Variants in DST observed in about 807,000 individuals in gnomAD.
DST encodes bullous pemphigoid antigen.
DST carries 253 observed loss-of-function variants against 875.2 expected under a neutral mutation model. That is an observed-to-expected ratio of 0.29 (90% confidence interval 0.26 to 0.32). The LOEUF (loss-of-function observed/expected upper bound fraction) is 0.32, where lower values mean the gene tolerates loss of function less well. DST is among the 10% of genes least tolerant of loss of function. The pLI is 1.00. For missense variants in DST, 8,287 were observed against 9,111.6 expected (o/e 0.91, Z 3.68); for synonymous variants, 3,124 against 3,197.1 (o/e 0.98, Z 0.77).
At chr6:56,514,777 T>C (rs1388719852) in intron 72 of DST, among the ~76,000 whole-genome samples, 1 of 152,152 alleles carries the variant, frequency 6.6e-6, no homozygotes, top group Non-Finnish European at 1.5e-5. Flanking sequence ...TACAAAATTT[T>C]AAGCCATATT....
rs757472151 is a variant in DST at position 56,642,039 on chromosome 6, T to C, written c.1935A>G (p.Ile645Met). ...GGCGTAAAAGGTTCTCACATTCAAG[T>C]ATATACCCAGCAATTTCTGCTTCAT... ...FQNEAEIAGYILECENLLRQH... is the reference protein window; with the variant it reads ...FQNEAEIAGYMLECENLLRQH... Residue 645 changes from isoleucine (I) to methionine (M), a missense_variant, in exon 17 of 104, where the codon ATA becomes ATG. Transcript: ENST00000680361. 2.5e-6 allele frequency: 4 copies of C among 1,612,750 alleles called. No homozygotes were observed. In the East Asian group the frequency reaches 8.9e-5, roughly 36 times the overall value.
chr6:56,553,726 A>C, intron 60 of DST, 71 bp from the exon 61 acceptor site: 1 of 1,397,626 alleles, frequency 7.2e-7, no homozygotes, highest in Non-Finnish European at 9.7e-7. Context: ...AAGCCAAAAT[A>C]AAAATCTCTG....
chr6:56,492,856 G>C, intron 84 of DST, 78 bp downstream of exon 84: 1 of 1,186,506 alleles, frequency 8.4e-7, no homozygotes, highest in Non-Finnish European at 1.1e-6. Flanking sequence ...CGACAGAGGA[G>C]TGAGACTCAG....
intron 8 of DST, among the ~76,000 whole-genome samples, chr6:56,701,412 T>C (rs1423485225): frequency 6.6e-6 from 1 of 152,086 alleles, no homozygotes; most frequent in East Asian, 1.9e-4. Flanking sequence ...ATTATCTACT[T>C]ATAAAAACAA....
intron 4 of DST, among the ~76,000 whole-genome samples, chr6:56,779,184 T>C (rs1355278473): frequency 1.3e-5 from 2 of 152,070 alleles, no homozygotes; most frequent in Admixed American, 6.5e-5. Context: ...AACGTCTTCT[T>C]TTGAGAAGTG....
At chr6:56,619,548 C>T (rs1319507545) in intron 36 of DST, 5 of 1,613,520 alleles carry the variant, frequency 3.1e-6, no homozygotes, top group South Asian at 2.2e-5. Flanking sequence ...TTCTCAGCTA[C>T]AGCATGTGCC....
chr6:56,670,133 C>CGT (rs70989723), intron 10 of DST, among the ~76,000 whole-genome samples: 14,313 of 146,156 alleles, frequency 0.098, 646 homozygotes, highest in East Asian at 0.14. Flanking sequence ...AGCGCCCGTG[C>CGT]GTGTGTGTGT....
chr6:56,827,717 C>T (rs960905742), intron 4 of DST, among the ~76,000 whole-genome samples: 1 of 152,064 alleles, frequency 6.6e-6, no homozygotes, highest in Non-Finnish European at 1.5e-5. Context: ...CTGCTGTTAG[C>T]ATAGAGGGAA....
At position 56,482,248 on chromosome 6, in the gene DST, CTG is replaced by C. The variant is rs917254732; in HGVS notation, c.21403-72_21403-71del. ...ATGCCTGTTAGCACAATTTACAAAACTGTATAGTGGATTCATCCCTTCAATGA... is the reference window on the plus strand; with the variant it reads ...ATGCCTGTTAGCACAATTTACAAAACTATAGTGGATTCATCCCTTCAATGA... On this transcript the variant is annotated intron_variant, in intron 89 of 103. Coordinates refer to ENST00000680361, the MANE Select transcript of DST (RefSeq NM_001374736.1). 1.0e-5 allele frequency: 16 copies of C among 1,524,564 alleles called. No homozygotes were observed. In the African/African-American group the frequency reaches 2.1e-4, roughly 20 times the overall value. 94.4% of individuals were successfully genotyped at this position (1,524,564 alleles called of 1,614,324 possible). A position where few individuals can be genotyped will look rare whatever the true frequency, so the allele number is the denominator to read the frequency against.
Position 56,511,878 on chromosome 6 carries a change from G to T in DST, c.18577-478C>A, listed in dbSNP as rs112415569. ...ACGGGGGGAAGGAGGGAGAAGGGAA[G>T]GAAGAAAAAAGAATAGAAAGAAGCT... On this transcript the variant is annotated intron_variant, in intron 72 of 103. Coordinates refer to ENST00000680361, the MANE Select transcript of DST (RefSeq NM_001374736.1). Among the ~76,000 whole-genome samples, 197 of 152,006 alleles carry T rather than the reference G, an allele frequency of 1.3e-3. 1 individual carries two copies. The highest frequency in any genetic ancestry group is 3.4e-3 in the Middle Eastern group (1 of 294).
intron 65 of DST, 32 bp downstream of exon 65, chr6:56,529,942 T>C (rs976183975): frequency 6.2e-7 from 1 of 1,608,934 alleles, no homozygotes; most frequent in East Asian, 2.2e-5. Flanking sequence ...CAATAAAAAC[T>C]GAACCTCGCT....
intron 87 of DST, 39 bp downstream of exon 87, chr6:56,487,065 G>T (rs1437027719): frequency 6.3e-7 from 1 of 1,599,272 alleles, no homozygotes; most frequent in East Asian, 2.2e-5. Flanking sequence ...TTTGAAAGAG[G>T]TCTACAGAGT....
At chr6:56,844,123 G>C (rs1374172971) in intron 4 of DST, 1 of 152,460 alleles carries the variant, frequency 6.6e-6, no homozygotes, top group Non-Finnish European at 1.5e-5. Context: ...TCTTTTTGGC[G>C]TGGGAGGATT....
At position 56,497,474 on chromosome 6, in the gene DST, G is replaced by A; in HGVS notation, c.20128C>T (p.Gln6710Ter). ...CGCTCCGTGTCAGTCAGCCACTGCTGCAAATCCTCAATTTCGCCATGGAAC... is the reference window on the plus strand; with the variant it reads ...CGCTCCGTGTCAGTCAGCCACTGCTACAAATCCTCAATTTCGCCATGGAAC... ...KGFHGEIEDLQQWLTDTERHL... is the reference protein window; with the variant it reads ...KGFHGEIEDL The change falls in exon 82 of 104, where the codon CAG (glutamine) becomes TAG (stop). Residue 6710 changes from glutamine to a stop codon, truncating the protein, a stop_gained. Coordinates refer to ENST00000680361, the MANE Select transcript of DST (RefSeq NM_001374736.1). LOFTEE classifies it high-confidence loss of function. The A allele has an allele frequency of 6.2e-7, 1 of 1,612,992 alleles. No homozygotes were observed. The highest frequency in any genetic ancestry group is 8.5e-7 in the Non-Finnish European group (1 of 1,179,366).
In DST at chr6:56,469,866, T is replaced by C; in HGVS notation, c.22551+17A>G. 6.2e-7 allele frequency: 1 copy of C among 1,603,790 alleles called. No homozygotes were observed. Among genetic ancestry groups the C allele is most frequent in the Non-Finnish European group, 8.5e-7 (1 of 1,170,808 alleles). On this transcript the variant is annotated intron_variant, in intron 97 of 103. Transcript: ENST00000680361. ...TATGTCCTTTAAAGGAACTACAACA[T>C]TACTTTGAAAACTTACCCTGTATTT...
chr6:56,725,532 G>A (rs1337496094), intron 5 of DST, among the ~76,000 whole-genome samples: 3 of 152,152 alleles, frequency 2.0e-5, no homozygotes, highest in Non-Finnish European at 2.9e-5. Flanking sequence ...ACACACACAT[G>A]CACTGGGCCC....
chr6:56,885,990 T>C (rs1784517577), intron 3 of DST, among the ~76,000 whole-genome samples: 1 of 152,192 alleles, frequency 6.6e-6, no homozygotes, highest in Non-Finnish European at 1.5e-5. Context: ...CAATTCATAA[T>C]TGAATAGGGT....
chr6:56,550,970 G>C (rs1023719714), intron 61 of DST, among the ~76,000 whole-genome samples: 23 of 152,182 alleles, frequency 1.5e-4, no homozygotes, highest in Admixed American at 1.5e-3. Context: ...AAATTTGACA[G>C]AGCAATGAAG....
intron 5 of DST, among the ~76,000 whole-genome samples, chr6:56,716,088 C>T (rs867425382): frequency 1.6e-4 from 25 of 152,210 alleles, no homozygotes; most frequent in African/African-American, 5.8e-4. Flanking sequence ...GCCCTCCACC[C>T]CTAAAACTCT....
Sources: gnomAD v4.1 joint callset for allele counts (sites outside exome capture counted in the v4.1 genomes callset) on GRCh38, gnomAD v4.1.1 for gene constraint, MANE v1.5 for transcripts, NCBI Gene and HGNC (gene_info 2026-07-23, HGNC 2026-07-21) for gene names.